Variants in TMEM108 observed in about 807,000 individuals in gnomAD.
TMEM108 encodes cancer/testis antigen 124.
In TMEM108, 12 loss-of-function variants were observed where a neutral mutation model predicts 35.1. That is an observed-to-expected ratio of 0.34 (90% CI 0.22 to 0.55). The LOEUF (loss-of-function observed/expected upper bound fraction) is 0.55. TMEM108 is among the 20% of genes least tolerant of loss of function. The probability of loss-of-function intolerance (pLI) is 0.89; values close to 1 mark genes in which losing one functional copy is unlikely to be tolerated. For missense variants in TMEM108, 680 were observed against 753.3 expected, an observed-to-expected ratio of 0.90 and a Z score of 1.14; for synonymous variants, 287 against 308.6, an observed-to-expected ratio of 0.93 and a Z score of 0.73.
intron 3 of TMEM108, among the ~76,000 whole-genome samples, chr3:133,350,379 T>C (rs2071955800): frequency 6.6e-6 from 1 of 152,098 alleles, no homozygotes; most frequent in African/African-American, 2.4e-5. Context: ...AGGGTGACTA[T>C]GGTTAATAGT....
chr3:133,262,983 C>T (rs532939159), intron 3 of TMEM108, among the ~76,000 whole-genome samples: 1 of 152,320 alleles, frequency 6.6e-6, no homozygotes, highest in African/African-American at 2.4e-5. Flanking sequence ...TATTGAAATA[C>T]TTAAAACTTG....
chr3:133,356,543 G>A (rs1322683372), intron 3 of TMEM108, among the ~76,000 whole-genome samples: 1 of 152,102 alleles, frequency 6.6e-6, no homozygotes, highest in African/African-American at 2.4e-5. Context: ...GAACAGATCT[G>A]GAGACATCAC....
At chr3:133,214,010 T>C (rs1432325903) in intron 2 of TMEM108, among the ~76,000 whole-genome samples, 1 of 152,208 alleles carries the variant, frequency 6.6e-6, no homozygotes, top group African/African-American at 2.4e-5. Flanking sequence ...TTGGGTCATT[T>C]CTGGCTTCGG....
chr3:133,228,552 A>T (rs1247049476), intron 2 of TMEM108, among the ~76,000 whole-genome samples: 1 of 152,156 alleles, frequency 6.6e-6, no homozygotes, highest in African/African-American at 2.4e-5. Flanking sequence ...GCCATGTAAA[A>T]TAAAATTGTA....
chr3:133,350,646 T>C (rs1465919242), intron 3 of TMEM108, among the ~76,000 whole-genome samples: 1 of 152,094 alleles, frequency 6.6e-6, no homozygotes, highest in African/African-American at 2.4e-5. Context: ...CCTGATGAAG[T>C]TGAATCCTAA....
chr3:133,328,220 G>A lies in TMEM108; in HGVS notation c.41-51532G>A, dbSNP rs13067508. 2.0e-5 allele frequency among the ~76,000 whole-genome samples: 3 copies of A among 152,326 alleles called. No individual in the cohort carries two copies. The East Asian group carries it at 5.8e-4, about 29-fold the overall frequency. On this transcript the variant is annotated intron_variant, in intron 3 of 5. Coordinates refer to ENST00000321871, the MANE Select transcript of TMEM108 (RefSeq NM_023943.4). ...GTTGTATCCTAATGTCATGAGGTCA[G>A]AAGGAACTGTTTAGGACAACGGTGT... is the stretch of plus-strand genomic sequence containing the variant.
chr3:133,043,964 A>G (rs527267860), intron 1 of TMEM108, among the ~76,000 whole-genome samples: 2 of 152,208 alleles, frequency 1.3e-5, no homozygotes, highest in African/African-American at 4.8e-5. Context: ...AACATGCAAA[A>G]TTTTTGAATT....
At chr3:133,233,748 G>A (rs1946190816) in intron 3 of TMEM108, among the ~76,000 whole-genome samples, 4 of 150,740 alleles carry the variant, frequency 2.7e-5, no homozygotes, top group African/African-American at 9.7e-5. Context: ...GGTGTGAGAT[G>A]GTATCTCATT....
intron 4 of TMEM108, among the ~76,000 whole-genome samples, chr3:133,384,313 C>T (rs947029806): frequency 6.6e-6 from 1 of 152,212 alleles, no homozygotes; most frequent in African/African-American, 2.4e-5. Flanking sequence ...CCTTGCTTCT[C>T]TGAAGCCACC....
At chr3:133,080,228 G>T (rs942483358) in intron 2 of TMEM108, among the ~76,000 whole-genome samples, 3 of 152,104 alleles carry the variant, frequency 2.0e-5, no homozygotes, top group African/African-American at 7.2e-5. Flanking sequence ...TCCACTGTCT[G>T]CGGCCCCTTC....
At chr3:133,138,430 G>A (rs1198223151) in intron 2 of TMEM108, among the ~76,000 whole-genome samples, 1 of 152,148 alleles carries the variant, frequency 6.6e-6, no homozygotes, top group Non-Finnish European at 1.5e-5. Flanking sequence ...GCATGCGGCG[G>A]CCCAGGACAG....
intron 3 of TMEM108, among the ~76,000 whole-genome samples, chr3:133,241,896 G>T (rs1946319096): frequency 6.6e-6 from 1 of 152,102 alleles, no homozygotes; most frequent in South Asian, 2.1e-4. Context: ...TTATAGGCAT[G>T]AGCCACCACC....
chr3:133,199,914 C>T (rs1576377336), intron 2 of TMEM108, among the ~76,000 whole-genome samples: 2 of 152,282 alleles, frequency 1.3e-5, no homozygotes, highest in South Asian at 4.1e-4. Flanking sequence ...GTGGATTCCA[C>T]CCAGTTCGAG....
chr3:133,255,179 C>T (rs2038043691), intron 3 of TMEM108, among the ~76,000 whole-genome samples: 1 of 152,184 alleles, frequency 6.6e-6, no homozygotes, highest in African/African-American at 2.4e-5. Context: ...AAATGTATTT[C>T]ATTTCTTGAT....
At chr3:133,309,228 T>G (rs2071088546) in intron 3 of TMEM108, among the ~76,000 whole-genome samples, 1 of 152,224 alleles carries the variant, frequency 6.6e-6, no homozygotes. Context: ...CATTTTTTAT[T>G]GCGTCTATTT....
chr3:133,238,955 T>C (rs1946276769), intron 3 of TMEM108, among the ~76,000 whole-genome samples: 1 of 152,174 alleles, frequency 6.6e-6, no homozygotes, highest in Non-Finnish European at 1.5e-5. Context: ...GGTCTTCCTT[T>C]CCTCCTCCAC....
intron 3 of TMEM108, among the ~76,000 whole-genome samples, chr3:133,359,155 A>T (rs2072268314): frequency 6.6e-6 from 1 of 152,120 alleles, no homozygotes; most frequent in African/African-American, 2.4e-5. Flanking sequence ...AAAGTTGTTG[A>T]CTCCCATAAG....
intron 3 of TMEM108, among the ~76,000 whole-genome samples, chr3:133,230,936 C>T (rs1576398240): frequency 6.6e-6 from 1 of 152,184 alleles, no homozygotes; most frequent in East Asian, 1.9e-4. Context: ...TAACACCTTG[C>T]TGTTTGCAAA....
chr3:133,236,988 C>G (rs138429383), intron 3 of TMEM108, among the ~76,000 whole-genome samples: 1,650 of 152,170 alleles, frequency 0.011, 25 homozygotes, highest in African/African-American at 0.036. Context: ...GAGCTCCTCC[C>G]TCCTTAGCTG....
Sources: gnomAD v4.1 joint callset for allele counts (sites outside exome capture counted in the v4.1 genomes callset) on GRCh38, gnomAD v4.1.1 for gene constraint, MANE v1.5 for transcripts, NCBI Gene and HGNC (gene_info 2026-07-23, HGNC 2026-07-21) for gene names.